Variants in PSMB3 observed in about 807,000 individuals in gnomAD.
The protein encoded by PSMB3 is proteasome 20S subunit beta 3, also known as proteasome subunit beta type-3.
Under a neutral mutation model 23.3 loss-of-function variants are expected in PSMB3, and 5 were observed. The ratio of observed to expected loss-of-function variants is 0.21; its 90% CI spans 0.11 to 0.45. PSMB3 has a LOEUF of 0.45. PSMB3 is among the 20% of genes least tolerant of loss of function. The pLI is 0.99. For synonymous variants in PSMB3, 85 were observed against 99.8 expected, an observed-to-expected ratio of 0.85 and a Z score of 0.88; for missense variants, 192 against 277.9, an observed-to-expected ratio of 0.69 and a Z score of 2.20.
In PSMB3 at chr17:38,763,850, T is replaced by C. The variant is rs1908561270; in HGVS notation, c.570-269T>C. 2.0e-5 allele frequency among the ~76,000 whole-genome samples: 3 copies of C among 152,116 alleles called. No individual in the cohort carries two copies. In the South Asian group the frequency reaches 6.2e-4, roughly 31 times the overall value. Reference sequence around the variant, plus strand: ...GCTGTGAAGTCTGGCCCTGAATCATTTTCTGGGAAAGCCTCCCTGAGGTGG... The same window carrying C: ...GCTGTGAAGTCTGGCCCTGAATCATCTTCTGGGAAAGCCTCCCTGAGGTGG... On this transcript the variant is annotated intron_variant, in intron 5 of 5. Coordinates refer to ENST00000619426, the MANE Select transcript of PSMB3 (RefSeq NM_002795.4).
intron 5 of PSMB3, 54 bp downstream of exon 5, chr17:38,762,559 C>A: frequency 6.6e-7 from 1 of 1,516,970 alleles, no homozygotes; most frequent in African/African-American, 1.4e-5. Context: ...TGCCTCTCTC[C>A]CTTCTCCACG....
intron 3 of PSMB3, among the ~76,000 whole-genome samples, chr17:38,759,596 G>A (rs975208206): frequency 2.0e-5 from 3 of 151,240 alleles, no homozygotes; most frequent in Non-Finnish European, 4.4e-5. Context: ...TCAGGCTGGA[G>A]TGCAGTGGCG....
chr17:38,754,248 T>C (rs1908063301), intron 2 of PSMB3, among the ~76,000 whole-genome samples: 2 of 152,152 alleles, frequency 1.3e-5, no homozygotes, highest in African/African-American at 4.8e-5. Context: ...GGTGGGCGGA[T>C]ATCTTGAGAT....
At chr17:38,759,515 C>T (rs1033371233) in intron 3 of PSMB3, among the ~76,000 whole-genome samples, 7 of 152,036 alleles carry the variant, frequency 4.6e-5, no homozygotes, top group African/African-American at 1.7e-4. Context: ...ATAAAGATCC[C>T]TAAGACTGAT....
At chr17:38,760,398 T>G (rs570561593) in intron 3 of PSMB3, 33 bp from the exon 4 acceptor site, 1 of 1,607,914 alleles carries the variant, frequency 6.2e-7, no homozygotes, top group African/African-American at 1.3e-5. Flanking sequence ...GTTCTTGAGT[T>G]CTGGTTTCTC....
intron 3 of PSMB3, among the ~76,000 whole-genome samples, chr17:38,756,484 T>C (rs546446319): frequency 6.6e-6 from 1 of 152,220 alleles, no homozygotes; most frequent in Non-Finnish European, 1.5e-5. Context: ...GGCCAGAATA[T>C]AAGTTGAGCT....
chr17:38,760,704 G>T, intron 4 of PSMB3, 96 bp downstream of exon 4: 1 of 1,372,708 alleles, frequency 7.3e-7, no homozygotes. Flanking sequence ...TGGGGAGAAT[G>T]GTGCAGGTGG....
chr17:38,757,687 C>T (rs1254845208), intron 3 of PSMB3, among the ~76,000 whole-genome samples: 1 of 152,202 alleles, frequency 6.6e-6, no homozygotes, highest in Non-Finnish European at 1.5e-5. Flanking sequence ...TGGTGGCACA[C>T]ACCGGTAATC....
rs943592315 is a variant in PSMB3, at chr17:38,760,426, C to G, written c.297-5C>G. On this transcript the variant is annotated splice_region_variant and splice_polypyrimidine_tract_variant and intron_variant, in intron 3 of 5. Transcript: ENST00000619426. ...GGTTTCTCTCTCTGATGCTGGCCCCCACAGGTTTGGCCCTTACTACACTGA... is the reference window on the plus strand; with the variant it reads ...GGTTTCTCTCTCTGATGCTGGCCCCGACAGGTTTGGCCCTTACTACACTGA... 3.1e-6 allele frequency: 5 copies of G among 1,612,990 alleles called. No individual in the cohort carries two copies. Among genetic ancestry groups the G allele is most frequent in the Non-Finnish European group, 4.2e-6 (5 of 1,179,576 alleles).
chr17:38,752,774 C>A lies in PSMB3; in HGVS notation c.-53C>A. ...GAGCGGTTGCGCAGTGAAGGCTAGA[C>A]CCGGTTTACTGGAATTGCTCTGGCG... On this transcript the variant is annotated 5_prime_UTR_variant, in exon 1 of 6. Coordinates refer to ENST00000619426, the MANE Select transcript of PSMB3 (RefSeq NM_002795.4). The surrounding 1 kb of genome is among the most constrained non-coding windows in gnomAD (Gnocchi z 5.5). The A allele has an allele frequency of 3.1e-6, 5 of 1,612,674 alleles. No homozygotes were observed. Among genetic ancestry groups the A allele is most frequent in the Non-Finnish European group, 4.2e-6 (5 of 1,178,654 alleles).
intron 3 of PSMB3, 106 bp downstream of exon 3, chr17:38,756,096 G>A: frequency 1.1e-6 from 1 of 934,654 alleles, no homozygotes; most frequent in Non-Finnish European, 1.7e-6. Flanking sequence ...TCTCTTATTT[G>A]CAGGATAATA....
In PSMB3 at chr17:38,752,929, G is replaced by A; in HGVS notation, c.3+100G>A. ...CGAAAAGGGCCTAGGGTCGATGGAA[G>A]GAAGCGGTTTCAGTTCGAGGGGAGC... On this transcript the variant is annotated intron_variant, in intron 1 of 5. Transcript: ENST00000619426. The surrounding 1 kb of genome is among the most constrained non-coding windows in gnomAD (Gnocchi z 5.5). 1 of 1,536,242 alleles carries A rather than the reference G, an allele frequency of 6.5e-7. No individual in the cohort carries two copies. Among genetic ancestry groups the A allele is most frequent in the Middle Eastern group, 1.8e-4 (1 of 5,500 alleles).
At chr17:38,759,711 AT>A (rs893508780) in intron 3 of PSMB3, among the ~76,000 whole-genome samples, 3 of 150,906 alleles carry the variant, frequency 2.0e-5, no homozygotes, top group East Asian at 3.9e-4. Context: ...TGCCCAGCTA[AT>A]TTTTTTTTGT....
At chr17:38,761,850 CAA>C (rs1908457223) in intron 4 of PSMB3, among the ~76,000 whole-genome samples, 2 of 152,158 alleles carry the variant, frequency 1.3e-5, no homozygotes, top group African/African-American at 4.8e-5. Flanking sequence ...AGGTCCTGAG[CAA>C]AGACAGTGGC....
chr17:38,761,079 G>T (rs987925420), intron 4 of PSMB3, among the ~76,000 whole-genome samples: 10 of 151,832 alleles, frequency 6.6e-5, no homozygotes, highest in African/African-American at 1.9e-4. Context: ...GCCGGGCGCG[G>T]TGGCTCACGC....
intron 3 of PSMB3, 47 bp from the exon 4 acceptor site, chr17:38,760,384 G>C: frequency 6.3e-7 from 1 of 1,593,852 alleles, no homozygotes; most frequent in East Asian, 2.2e-5. Context: ...ACATGAAAGC[G>C]AGCGTTCTTG....
At chr17:38,759,902 A>G (rs1260578651) in intron 3 of PSMB3, among the ~76,000 whole-genome samples, 1 of 152,216 alleles carries the variant, frequency 6.6e-6, no homozygotes, top group East Asian at 1.9e-4. Flanking sequence ...ATGAGCTGCC[A>G]TTTCCTTTTG....
chr17:38,760,515 C>T lies in PSMB3; in HGVS notation c.381C>T (p.Ile127=), dbSNP rs535726601. 3.0e-5 allele frequency: 48 copies of T among 1,614,266 alleles called. No individual in the cohort carries two copies. In the East Asian group the frequency reaches 7.8e-4, roughly 26 times the overall value. The part of the protein sequence containing the change: ...FKPFICSLDL[I]GCPMVTDDFV... ...CCTTCATTTGCTCTCTAGACCTCATCGGCTGCCCCATGGTGACTGATGACT... is the reference window on the plus strand; with the variant it reads ...CCTTCATTTGCTCTCTAGACCTCATTGGCTGCCCCATGGTGACTGATGACT... Residue 127 remains isoleucine, a synonymous_variant, in exon 4 of 6, where the codon ATC becomes ATT. Transcript: ENST00000619426.
intron 5 of PSMB3, among the ~76,000 whole-genome samples, chr17:38,762,974 A>G (rs2143255463): frequency 6.6e-6 from 1 of 152,258 alleles, no homozygotes; most frequent in Middle Eastern, 3.4e-3. Flanking sequence ...ACCTGATTGG[A>G]TAGAGTAGGA....
Sources: gnomAD v4.1 joint callset for allele counts (sites outside exome capture counted in the v4.1 genomes callset) on GRCh38, gnomAD v4.1.1 for gene constraint, Gnocchi (gnomAD v3.1) non-coding constraint, MANE v1.5 for transcripts, NCBI Gene and HGNC (gene_info 2026-07-23, HGNC 2026-07-21) for gene names.